Variants in ZNF213 observed in about 807,000 individuals in gnomAD.
ZNF213 encodes the protein putative transcription factor CR53.
ZNF213 carries 32 observed loss-of-function variants against 46.0 expected under a neutral mutation model. That is an observed-to-expected ratio of 0.70 (90% CI 0.52 to 0.93). ZNF213 has a LOEUF of 0.93. Among genes scored for constraint, ZNF213 ranks in the 40% least tolerant of loss-of-function variants. The pLI is 0.00. For missense variants in ZNF213, 639 were observed against 652.8 expected, an observed-to-expected ratio of 0.98 and a Z score of 0.23; for synonymous variants, 297 against 271.0, an observed-to-expected ratio of 1.10 and a Z score of -0.94.
Position 3,141,581 on chromosome 16 carries a change from C to T in ZNF213, c.*234C>T, listed in dbSNP as rs888758242. ...GATCTTGTCCTCTTTCCCCCTTCTG[C>T]GCCTAGCGTTCCTCTTCCCCTCTAG... is the stretch of plus-strand genomic sequence containing the variant. On this transcript the variant is annotated 3_prime_UTR_variant, in exon 6 of 6. Coordinates refer to ENST00000396878, the MANE Select transcript of ZNF213 (RefSeq NM_004220.3). The T allele has an allele frequency of 3.9e-5, 20 of 512,438 alleles. No homozygotes were observed. The highest frequency in any genetic ancestry group is 3.1e-4 in the African/African-American group (16 of 51,002). 31.7% of individuals were successfully genotyped at this position (512,438 alleles called of 1,614,324 possible). A position where few individuals can be genotyped will look rare whatever the true frequency, so the allele number is the denominator to read the frequency against.
chr16:3,137,445 T>A lies in ZNF213; in HGVS notation c.165T>A (p.Asp55Glu). 6.2e-7 allele frequency: 1 copy of A among 1,613,930 alleles called. No homozygotes were observed. The highest frequency in any genetic ancestry group is 8.5e-7 in the Non-Finnish European group (1 of 1,180,028). The change falls in exon 2 of 6, where the codon GAT (aspartate) becomes GAA (glutamate). Residue 55 changes from aspartate (D) to glutamate (E), a missense_variant. Asp to Glu is a conservative substitution (Grantham distance 45). Transcript: ENST00000396878. ...GCTTCCGGCAATTCTGCTACGGGGA[T>A]GTGCATGGGCCTCATGAGGCCTTCA... ...RQRFRQFCYG[D>E]VHGPHEAFSQ...
chr16:3,136,846 T>C (rs1275068513), intron 1 of ZNF213, among the ~76,000 whole-genome samples: 1 of 152,232 alleles, frequency 6.6e-6, no homozygotes, highest in Non-Finnish European at 1.5e-5. Flanking sequence ...ACCATAATTT[T>C]GAACATTTAC....
intron 2 of ZNF213, chr16:3,137,926 G>A: frequency 1.7e-6 from 1 of 583,638 alleles, no homozygotes; most frequent in Admixed American, 3.2e-5. Flanking sequence ...TTCCAGACAG[G>A]AGGTTTTAGC....
At position 3,138,529 on chromosome 16, in the gene ZNF213, C is replaced by T. The variant is rs761883313; in HGVS notation, c.511C>T (p.His171Tyr). ...RRRPSVPQEQ[H>Y]SHSAQPPALL... ...GCGGCCGTCTGTTCCCCAGGAGCAG[C>T]ACAGCCATAGCGGTGAGTAAGCCTC... Residue 171 changes from histidine (H) to tyrosine (Y), a missense_variant, in exon 3 of 6, where the codon CAC becomes TAC. Transcript: ENST00000396878. The T allele has an allele frequency of 5.4e-5, 87 of 1,613,980 alleles. No homozygotes were observed. The South Asian group carries it at 9.2e-4, about 17-fold the overall frequency.
chr16:3,141,348 G>A lies in ZNF213; in HGVS notation c.*1G>A, dbSNP rs1245743645. The A allele has an allele frequency of 1.9e-6, 3 of 1,542,804 alleles. No individual in the cohort carries two copies. The South Asian group carries it at 3.6e-5, about 19-fold the overall frequency. On this transcript the variant is annotated 3_prime_UTR_variant, in exon 6 of 6. Transcript: ENST00000396878. ...CAAGATGGCCCAGCCCGTGGGGTGA[G>A]CAGCTGGCTTGGCCGGAAACCCGGG...
At chr16:3,138,637 C>T (rs1435210075) in intron 3 of ZNF213, 96 bp downstream of exon 3, 52 of 1,609,774 alleles carry the variant, frequency 3.2e-5, no homozygotes, top group Non-Finnish European at 4.1e-5. Context: ...CAGGACAGCT[C>T]CCTCTGTGAA....
Position 3,141,176 on chromosome 16 carries a change from C to A in ZNF213, c.1209C>A (p.Cys403Ter), listed in dbSNP as rs1309266455. Reference sequence around the variant, plus strand: ...ACACGGGCGAGAAGCCTTTCGGCTGCAGCGACTGCGGCAAGAGCTTCTCGC... The same window carrying A: ...ACACGGGCGAGAAGCCTTTCGGCTGAAGCGACTGCGGCAAGAGCTTCTCGC... ...RIHTGEKPFG[C>*]SDCGKSFSLR... The change falls in exon 6 of 6, where the codon TGC (cysteine) becomes TGA (stop). Residue 403 changes from cysteine to a stop codon, truncating the protein, a stop_gained. Transcript: ENST00000396878. LOFTEE classifies it high-confidence loss of function. The A allele has an allele frequency of 6.2e-7, 1 of 1,612,422 alleles. No homozygotes were observed. Among genetic ancestry groups the A allele is most frequent in the Admixed American group, 1.7e-5 (1 of 60,022 alleles).
In ZNF213 at chr16:3,140,968, G is replaced by T. The variant is rs1313268765; in HGVS notation, c.1001G>T (p.Arg334Leu). 1 of 1,607,274 alleles carries T rather than the reference G, an allele frequency of 6.2e-7. No homozygotes were observed. Among genetic ancestry groups the T allele is most frequent in the Non-Finnish European group, 8.5e-7 (1 of 1,178,720 alleles). ...TTCCGCTGGGGCTCGGACCTGGCGC[G>T]GCACCAGCGCACGCACACGGGCGAG... ...KRFRWGSDLA[R>L]HQRTHTGEKP... The change falls in exon 6 of 6, where the codon CGG becomes CTG. Residue 334 changes from arginine (R) to leucine (L), a missense_variant. Arg to Leu is a moderately radical substitution (Grantham distance 102). Transcript: ENST00000396878.
At chr16:3,137,768 C>T in intron 2 of ZNF213, 89 bp downstream of exon 2, 1 of 1,495,960 alleles carries the variant, frequency 6.7e-7, no homozygotes, top group Non-Finnish European at 9.0e-7. Flanking sequence ...CTCCCAGAGG[C>T]TCACAGGGTA....
At chr16:3,136,717 A>G (rs1391108955) in intron 1 of ZNF213, among the ~76,000 whole-genome samples, 1 of 63,430 alleles carries the variant, frequency 1.6e-5, no homozygotes, top group Non-Finnish European at 3.9e-5. Context: ...ACTCTCTCTC[A>G]GTAAAAAAAA....
In ZNF213 at chr16:3,137,439, CG is replaced by C; in HGVS notation, c.163del (p.Asp55MetfsTer40). On this transcript the variant is annotated frameshift_variant, in exon 2 of 6. Coordinates refer to ENST00000396878, the MANE Select transcript of ZNF213 (RefSeq NM_004220.3). LOFTEE classifies it high-confidence loss of function. ...GCCAGCGCTTCCGGCAATTCTGCTACGGGGATGTGCATGGGCCTCATGAGGC... is the reference window on the plus strand; with the variant it reads ...GCCAGCGCTTCCGGCAATTCTGCTACGGGATGTGCATGGGCCTCATGAGGC... ...CRQRFRQFCYGDVHGPHEAFS... is the reference protein window; with the variant it reads ...CRQRFRQFCYXDVHGPHEAFS... 1.9e-6 allele frequency: 3 copies of C among 1,613,950 alleles called. No homozygotes were observed. Among genetic ancestry groups the C allele is most frequent in the Non-Finnish European group, 2.5e-6 (3 of 1,180,024 alleles).
At chr16:3,140,496 T>C (rs1957591066) in intron 5 of ZNF213, 193 bp from the exon 6 acceptor site, 1 of 814,550 alleles carries the variant, frequency 1.2e-6, no homozygotes. Flanking sequence ...ATGTTGGGAT[T>C]ACAGGCTTGA....
chr16:3,137,093 C>G, intron 1 of ZNF213, 73 bp from the exon 2 acceptor site: 1 of 692,836 alleles, frequency 1.4e-6, no homozygotes, highest in Non-Finnish European at 2.3e-6. Context: ...GACTGGATGG[C>G]TCTTCAGCCT....
Position 3,140,820 on chromosome 16 carries a change from C to T in ZNF213, c.853C>T (p.Arg285Trp), listed in dbSNP as rs759672215. The T allele has an allele frequency of 1.9e-6, 3 of 1,591,386 alleles. No homozygotes were observed. The highest frequency in any genetic ancestry group is 2.6e-6 in the Non-Finnish European group (3 of 1,172,204). ...EEAEAWESEN[R>W]PRAALGPVVG... ...GGCTGAGGCCTGGGAGAGCGAGAACCGGCCGAGGGCGGCCCTGGGCCCAGT... is the reference window on the plus strand; with the variant it reads ...GGCTGAGGCCTGGGAGAGCGAGAACTGGCCGAGGGCGGCCCTGGGCCCAGT... The change falls in exon 6 of 6, where the codon CGG (arginine) becomes TGG (tryptophan). Residue 285 changes from arginine to tryptophan, a missense_variant. Transcript: ENST00000396878.
chr16:3,137,115 G>A (rs752580874), intron 1 of ZNF213, 51 bp from the exon 2 acceptor site: 12 of 882,926 alleles, frequency 1.4e-5, no homozygotes, highest in South Asian at 1.8e-5. Flanking sequence ...GGGTTTGCTC[G>A]TGTATTCCAC....
chr16:3,137,521 A>C lies in ZNF213; in HGVS notation c.241A>C (p.Lys81Gln). Residue 81 changes from lysine (K) to glutamine (Q), a missense_variant, in exon 2 of 6, where the codon AAG becomes CAG. Transcript: ENST00000396878. ...CRWLRPELRT[K>Q]EQILELLVLE... ...CTGGCTGCGGCCCGAGCTGCGTACC[A>C]AGGAGCAGATCCTGGAGCTGCTGGT... 6.2e-7 allele frequency: 1 copy of C among 1,613,964 alleles called. No homozygotes were observed. The highest frequency in any genetic ancestry group is 8.5e-7 in the Non-Finnish European group (1 of 1,180,030).
chr16:3,137,688 C>T lies in ZNF213; in HGVS notation c.399+9C>T, dbSNP rs745390921. Reference sequence around the variant, plus strand: ...TGAAAGCCTGGCGACAGGTGAGGGGCCCTTCCACATCCAGGGGCACCTGGA... The same window carrying T: ...TGAAAGCCTGGCGACAGGTGAGGGGTCCTTCCACATCCAGGGGCACCTGGA... On this transcript the variant is annotated intron_variant, in intron 2 of 5. Transcript: ENST00000396878. 6.2e-7 allele frequency: 1 copy of T among 1,612,206 alleles called. No individual in the cohort carries two copies. Among genetic ancestry groups the T allele is most frequent in the African/African-American group, 1.3e-5 (1 of 74,896 alleles).
Position 3,142,174 on chromosome 16 carries a change from A to ACTCCATCGGCCCCGGCACCCTG in ZNF213, c.*838_*859dup. 1 of 197,948 alleles carries ACTCCATCGGCCCCGGCACCCTG rather than the reference A, an allele frequency of 5.1e-6. No individual in the cohort carries two copies. Among genetic ancestry groups the ACTCCATCGGCCCCGGCACCCTG allele is most frequent in the Non-Finnish European group, 1.0e-5 (1 of 96,718 alleles). 12.3% of individuals were successfully genotyped at this position (197,948 alleles called of 1,614,324 possible). The stretch of plus-strand genomic sequence containing the variant: ...CTCACTCCATCAGCACTAGCACCTC[A>ACTCCATCGGCCCCGGCACCCTG]CTCCATCGGCCCCGGCACCCTGCTC... On this transcript the variant is annotated 3_prime_UTR_variant, in exon 6 of 6. Coordinates refer to ENST00000396878, the MANE Select transcript of ZNF213 (RefSeq NM_004220.3).
chr16:3,140,780 C>G lies in ZNF213; in HGVS notation c.813C>G (p.Ser271=), dbSNP rs748123715. ...PGQTGSDVTV[S]WSPEEAEAWE... ...AGACAGGCAGCGACGTGACTGTGTC[C>G]TGGAGCCCCGAGGAGGCTGAGGCCT... Residue 271 remains serine (S), a synonymous_variant, in exon 6 of 6, where the codon TCC becomes TCG. Transcript: ENST00000396878. The G allele has an allele frequency of 1.3e-5, 21 of 1,592,190 alleles. No individual in the cohort carries two copies. In the Middle Eastern group the frequency reaches 5.1e-4, roughly 39 times the overall value.
Sources: gnomAD v4.1 joint callset for allele counts (sites outside exome capture counted in the v4.1 genomes callset) on GRCh38, gnomAD v4.1.1 for gene constraint, MANE v1.5 for transcripts, NCBI Gene and HGNC (gene_info 2026-07-23, HGNC 2026-07-21) for gene names.